Variants in SLC60A1 observed in about 807,000 individuals in gnomAD.
SLC60A1 encodes major facilitator superfamily domain containing 4.
chr1:205,592,322 A>G, the SLC60A1 span: 1 of 1,566,062 alleles, frequency 6.4e-7, no homozygotes, highest in Non-Finnish European at 8.7e-7. Context: ...GGCGCGCTCT[A>G]TCTAGCTGGG....
the SLC60A1 span, chr1:205,584,933 C>A: frequency 6.2e-7 from 1 of 1,614,092 alleles, no homozygotes; most frequent in Non-Finnish European, 8.5e-7. Flanking sequence ...GCCCCTTATT[C>A]CTTCTTTGCC....
the SLC60A1 span, chr1:205,592,037 A>T: frequency 1.3e-6 from 2 of 1,495,870 alleles, no homozygotes; most frequent in Non-Finnish European, 1.8e-6. Flanking sequence ...TCCTTGGGCT[A>T]GAGAGGAAAC....
the SLC60A1 span, chr1:205,599,226 C>T: frequency 3.2e-5 from 51 of 1,614,116 alleles, no homozygotes; most frequent in East Asian, 9.8e-4. Flanking sequence ...TGTTTTTCCA[C>T]AGGATGCACC....
At chr1:205,596,544 C>CAA in the SLC60A1 span, among the ~76,000 whole-genome samples, 261 of 49,134 alleles carry the variant, frequency 5.3e-3, 37 homozygotes, top group Middle Eastern at 0.025. Context: ...GACTCTGTCT[C>CAA]AAAAAAAAAA....
At chr1:205,569,371 C>G in the SLC60A1 span, 1 of 1,127,076 alleles carries the variant, frequency 8.9e-7, no homozygotes, top group Non-Finnish European at 1.1e-6. Context: ...ACCCTTCCCT[C>G]CCGCCCCGCG....
At chr1:205,587,649 C>A in the SLC60A1 span, among the ~76,000 whole-genome samples, 1 of 152,120 alleles carries the variant, frequency 6.6e-6, no homozygotes, top group African/African-American at 2.4e-5. Flanking sequence ...GAGGAGGAGT[C>A]TGTGAAAATA....
the SLC60A1 span, among the ~76,000 whole-genome samples, chr1:205,594,049 G>A: frequency 6.6e-5 from 10 of 152,142 alleles, no homozygotes; most frequent in Non-Finnish European, 1.0e-4. Context: ...AAAACTGAGG[G>A]CAGAAAATGC....
the SLC60A1 span, chr1:205,569,139 G>T: frequency 6.5e-7 from 1 of 1,534,954 alleles, no homozygotes; most frequent in Non-Finnish European, 8.8e-7. Context: ...CTACTGGAGC[G>T]TCTTCTTCAG....
the SLC60A1 span, among the ~76,000 whole-genome samples, chr1:205,582,825 G>C: frequency 6.6e-6 from 1 of 152,196 alleles, no homozygotes; most frequent in Non-Finnish European, 1.5e-5. Context: ...CCAACACAGG[G>C]GTGGTTTTTG....
chr1:205,597,535 C>T, the SLC60A1 span: 1 of 366,300 alleles, frequency 2.7e-6, no homozygotes, highest in Non-Finnish European at 5.2e-6. Context: ...ACTACAGGTG[C>T]ACACCACCAT....
chr1:205,593,453 CAAA>C, the SLC60A1 span, among the ~76,000 whole-genome samples: 49,653 of 80,986 alleles, frequency 0.61, 13,545 homozygotes, highest in African/African-American at 0.65. Flanking sequence ...GACTCTGTCT[CAAA>C]AAAAAAAAAA....
the SLC60A1 span, chr1:205,569,376 C>T: frequency 9.2e-7 from 1 of 1,085,970 alleles, no homozygotes; most frequent in African/African-American, 1.7e-5. Context: ...TCCCTCCCGC[C>T]CCGCGACCCG....
chr1:205,597,065 T>G, the SLC60A1 span, among the ~76,000 whole-genome samples: 1 of 152,132 alleles, frequency 6.6e-6, no homozygotes, highest in Non-Finnish European at 1.5e-5. Context: ...GGCTGGTCAG[T>G]GCAATGCCAG....
chr1:205,595,586 T>C, the SLC60A1 span, among the ~76,000 whole-genome samples: 2 of 152,162 alleles, frequency 1.3e-5, no homozygotes, highest in South Asian at 2.1e-4. Context: ...GTGCAGGCAA[T>C]AGCACACCTG....
the SLC60A1 span, chr1:205,598,005 C>T: frequency 0.02 from 13,934 of 705,492 alleles, 1,113 homozygotes; most frequent in African/African-American, 0.2. Flanking sequence ...TACCTGTTTC[C>T]GTTTCCAAGC....
the SLC60A1 span, among the ~76,000 whole-genome samples, chr1:205,577,147 CCTTCT>C: frequency 6.6e-6 from 1 of 152,114 alleles, no homozygotes; most frequent in Non-Finnish European, 1.5e-5. The surrounding 1 kb of genome is among the most constrained non-coding windows in gnomAD (Gnocchi z 5.2). Flanking sequence ...CTTACTGACC[CCTTCT>C]CTTTTTCCCA....
At chr1:205,592,118 G>T in the SLC60A1 span, 1 of 1,613,246 alleles carries the variant, frequency 6.2e-7, no homozygotes, top group South Asian at 1.1e-5. Flanking sequence ...ATTCCTAACC[G>T]CCTCCACCTC....
the SLC60A1 span, chr1:205,592,345 G>T: frequency 1.3e-6 from 2 of 1,516,096 alleles, no homozygotes; most frequent in Non-Finnish European, 1.8e-6. Context: ...CCGCCGCCTC[G>T]CTCTGCCCTG....
chr1:205,579,832 C>T, the SLC60A1 span: 43 of 1,614,092 alleles, frequency 2.7e-5, no homozygotes, highest in Admixed American at 1.0e-4. Flanking sequence ...TCTGCCGCGA[C>T]GTGAAGGTGC....
Sources: gnomAD v4.1 joint callset for allele counts (sites outside exome capture counted in the v4.1 genomes callset) on GRCh38, gnomAD v4.1.1 for gene constraint, Gnocchi (gnomAD v3.1) non-coding constraint, MANE v1.5 for transcripts, NCBI Gene and HGNC (gene_info 2026-07-23, HGNC 2026-07-21) for gene names.